CCSER1: variants seen among roughly 807,000 people sequenced by gnomAD.
CCSER1 encodes the protein coiled-coil serine rich protein 1.
CCSER1 carries 41 observed loss-of-function variants against 82.0 expected under a neutral mutation model. The observed-to-expected ratio is 0.50, with a 90% CI of 0.39 to 0.65. The LOEUF (loss-of-function observed/expected upper bound fraction) is 0.65. Among genes scored for constraint, CCSER1 ranks in the 30% least tolerant of loss-of-function variants. CCSER1 has a pLI of 0.00. For synonymous variants in CCSER1, 414 were observed against 383.9 expected (o/e 1.08, Z -0.92); for missense variants, 1,119 against 1,064.2 (o/e 1.05, Z -0.72).
At chr4:90,526,770 A>G (rs1401248181) in intron 5 of CCSER1, among the ~76,000 whole-genome samples, 2 of 152,148 alleles carry the variant, frequency 1.3e-5, no homozygotes, top group Non-Finnish European at 2.9e-5. Context: ...CCAGTCTATC[A>G]CTGATGGGCA....
chr4:90,808,628 A>G (rs1352549272), intron 7 of CCSER1, among the ~76,000 whole-genome samples: 6 of 152,186 alleles, frequency 3.9e-5, no homozygotes, highest in East Asian at 1.9e-4. Flanking sequence ...CCAACAAACC[A>G]TATGAAAAAA....
intron 7 of CCSER1, among the ~76,000 whole-genome samples, chr4:90,802,049 C>T (rs186460902): frequency 2.6e-4 from 40 of 151,598 alleles, no homozygotes; most frequent in Middle Eastern, 3.4e-3. Flanking sequence ...GAAACCCTGC[C>T]TCTACTAAAA....
At chr4:91,078,511 A>T (rs1322202193) in intron 9 of CCSER1, among the ~76,000 whole-genome samples, 1 of 152,240 alleles carries the variant, frequency 6.6e-6, no homozygotes, top group Non-Finnish European at 1.5e-5. Flanking sequence ...CTAAAAATCA[A>T]AAGCCTCTTC....
chr4:91,074,149 T>C (rs1721716939), intron 9 of CCSER1, among the ~76,000 whole-genome samples: 2 of 152,126 alleles, frequency 1.3e-5, no homozygotes, highest in East Asian at 3.9e-4. Flanking sequence ...TCTAAAGAGA[T>C]CAGTTCAAAA....
intron 8 of CCSER1, among the ~76,000 whole-genome samples, chr4:90,854,114 G>A (rs1764185709): frequency 6.6e-6 from 1 of 151,804 alleles, no homozygotes; most frequent in Non-Finnish European, 1.5e-5. Flanking sequence ...TCTTCAAGAA[G>A]CTAGAGATAC....
At chr4:91,004,904 G>A (rs1738366622) in intron 9 of CCSER1, among the ~76,000 whole-genome samples, 1 of 152,164 alleles carries the variant, frequency 6.6e-6, no homozygotes, top group Non-Finnish European at 1.5e-5. Context: ...CAGTCATAGA[G>A]ATCTTATTTC....
chr4:90,915,138 A>G (rs953053779), intron 8 of CCSER1, among the ~76,000 whole-genome samples: 2 of 152,322 alleles, frequency 1.3e-5, no homozygotes, highest in African/African-American at 2.4e-5. Context: ...CAATAGAAAA[A>G]GAGGGAATCC....
At chr4:90,352,420 A>G (rs893105434) in intron 3 of CCSER1, among the ~76,000 whole-genome samples, 3 of 152,060 alleles carry the variant, frequency 2.0e-5, no homozygotes, top group Middle Eastern at 3.2e-3. Flanking sequence ...TACTAGCACT[A>G]TGGGCAGTCC....
intron 3 of CCSER1, among the ~76,000 whole-genome samples, chr4:90,369,375 A>G (rs1270951340): frequency 6.6e-6 from 1 of 151,644 alleles, no homozygotes; most frequent in Non-Finnish European, 1.5e-5. Flanking sequence ...AAAAGAAGGA[A>G]GAGGAGAGAA....
chr4:90,799,390 C>A (rs1397664313), intron 7 of CCSER1, among the ~76,000 whole-genome samples: 1 of 152,142 alleles, frequency 6.6e-6, no homozygotes, highest in African/African-American at 2.4e-5. Context: ...AAAAATCCAT[C>A]TGGGCAGACA....
At chr4:90,893,079 A>G (rs1421572546) in intron 8 of CCSER1, among the ~76,000 whole-genome samples, 1 of 152,148 alleles carries the variant, frequency 6.6e-6, no homozygotes, top group East Asian at 1.9e-4. Flanking sequence ...TCTGTGCAAT[A>G]TTGGCTTTTT....
chr4:91,534,129 G>A (rs550975586), intron 10 of CCSER1, among the ~76,000 whole-genome samples: 65 of 151,990 alleles, frequency 4.3e-4, no homozygotes, highest in African/African-American at 1.4e-3. Flanking sequence ...TCTATACTCC[G>A]TCACTTTTTT....
At chr4:90,443,094 A>G (rs931551682) in intron 4 of CCSER1, among the ~76,000 whole-genome samples, 2 of 152,202 alleles carry the variant, frequency 1.3e-5, no homozygotes, top group African/African-American at 4.8e-5. Context: ...GAGATTAACA[A>G]CAACAATAAT....
At chr4:90,265,309 A>G (rs115278627) in intron 1 of CCSER1, among the ~76,000 whole-genome samples, 26 of 151,938 alleles carry the variant, frequency 1.7e-4, no homozygotes, top group Non-Finnish European at 3.7e-4. Flanking sequence ...TTAGAATAAA[A>G]TATATTTGTA....
chr4:91,503,383 A>G (rs1423017422), intron 10 of CCSER1, among the ~76,000 whole-genome samples: 1 of 151,818 alleles, frequency 6.6e-6, no homozygotes, highest in East Asian at 1.9e-4. Context: ...CCATATTTTC[A>G]ATGGCTATAT....
chr4:90,526,634 T>C (rs1773800365), intron 5 of CCSER1, among the ~76,000 whole-genome samples: 1 of 152,182 alleles, frequency 6.6e-6, no homozygotes, highest in African/African-American at 2.4e-5. Context: ...TGGTTTTCGG[T>C]TCCTGTGTTA....
chr4:91,479,166 ATTTT>A (rs962288773), intron 10 of CCSER1, among the ~76,000 whole-genome samples: 1 of 151,268 alleles, frequency 6.6e-6, no homozygotes, highest in Non-Finnish European at 1.5e-5. Flanking sequence ...TTTGTTGAAT[ATTTT>A]CTTTCTTTTT....
chr4:90,340,101 T>TC (rs1242340909), intron 3 of CCSER1, among the ~76,000 whole-genome samples: 6 of 152,104 alleles, frequency 3.9e-5, no homozygotes, highest in African/African-American at 7.2e-5. Flanking sequence ...TATTATATTT[T>TC]CCCCCCAACA....
intron 10 of CCSER1, among the ~76,000 whole-genome samples, chr4:91,588,928 C>T (rs1459075401): frequency 1.3e-5 from 2 of 151,616 alleles, no homozygotes; most frequent in Non-Finnish European, 3.0e-5. Flanking sequence ...TCTTAATGTA[C>T]ATTTACAAGA....
Sources: allele counts gnomAD v4.1 joint callset (sites outside exome capture counted in the v4.1 genomes callset), GRCh38; gene constraint gnomAD v4.1.1; transcripts MANE v1.5; gene names NCBI Gene and HGNC (gene_info 2026-07-23, HGNC 2026-07-21).